EFR3B: variants seen among roughly 807,000 people sequenced by gnomAD.
EFR3B encodes the protein EFR3 homolog B, also known as protein EFR3 homolog B.
EFR3B carries 64 observed loss-of-function variants against 104.7 expected under a neutral mutation model. The ratio of observed to expected loss-of-function variants is 0.61; its 90% CI spans 0.50 to 0.75. The LOEUF is 0.75. Among genes scored for constraint, EFR3B ranks in the 30% least tolerant of loss-of-function variants. EFR3B has a pLI of 0.00. For missense variants in EFR3B, 750 were observed against 1,078.5 expected (o/e 0.70, Z 4.27); for synonymous variants, 385 against 417.9 (o/e 0.92, Z 0.96).
intron 5 of EFR3B, among the ~76,000 whole-genome samples, chr2:25,127,668 C>T (rs1670205882): frequency 6.6e-6 from 1 of 152,184 alleles, no homozygotes; most frequent in South Asian, 2.1e-4. Flanking sequence ...TGGGGGTGTA[C>T]AAAAGGGGCT....
intron 1 of EFR3B, among the ~76,000 whole-genome samples, chr2:25,051,406 C>G (rs535899396): frequency 6.6e-6 from 1 of 151,612 alleles, no homozygotes; most frequent in South Asian, 2.1e-4. Flanking sequence ...TGAGCCACCA[C>G]GCCCAGCCTG....
intron 1 of EFR3B, among the ~76,000 whole-genome samples, chr2:25,057,376 A>G (rs1323941893): frequency 6.6e-6 from 1 of 152,022 alleles, no homozygotes; most frequent in Non-Finnish European, 1.5e-5. Flanking sequence ...TAAATGCCTT[A>G]TGCAAGTCAC....
intron 1 of EFR3B, among the ~76,000 whole-genome samples, chr2:25,073,291 G>C (rs1020409270): frequency 2.6e-5 from 4 of 151,720 alleles, no homozygotes; most frequent in Admixed American, 2.6e-4. Context: ...CAGTTTTGCT[G>C]TATTCCAAGG....
At chr2:25,048,962 T>C (rs1454849138) in intron 1 of EFR3B, among the ~76,000 whole-genome samples, 1 of 152,202 alleles carries the variant, frequency 6.6e-6, no homozygotes, top group African/African-American at 2.4e-5. Context: ...ACTAGTTACA[T>C]ATTGTCCAAT....
chr2:25,061,127 A>ATTTT (rs759449745), intron 1 of EFR3B, among the ~76,000 whole-genome samples: 1 of 141,768 alleles, frequency 7.1e-6, no homozygotes, highest in African/African-American at 2.6e-5. Flanking sequence ...TTGGAGGTTG[A>ATTTT]TTTTTTTTTT....
chr2:25,090,568 G>A (rs1003865126), intron 1 of EFR3B, among the ~76,000 whole-genome samples: 1 of 152,160 alleles, frequency 6.6e-6, no homozygotes, highest in African/African-American at 2.4e-5. Flanking sequence ...CTACAGATTG[G>A]TGCAAACCTC....
At chr2:25,150,642 G>A (rs78789689) in intron 20 of EFR3B, among the ~76,000 whole-genome samples, 1 of 140,504 alleles carries the variant, frequency 7.1e-6, no homozygotes. Context: ...ACAGAGTCTC[G>A]CCCTGTCACC....
intron 21 of EFR3B, among the ~76,000 whole-genome samples, 192 bp downstream of exon 21, chr2:25,152,212 C>CA (rs1191446363): frequency 6.6e-6 from 1 of 151,424 alleles, no homozygotes; most frequent in Non-Finnish European, 1.5e-5. Context: ...CTTTCCCCAA[C>CA]ACCCTGGCGC....
chr2:25,092,481 A>G (rs1398736188), intron 2 of EFR3B, among the ~76,000 whole-genome samples: 3 of 152,064 alleles, frequency 2.0e-5, no homozygotes, highest in Non-Finnish European at 4.4e-5. Flanking sequence ...ATACATGTAT[A>G]CATTCATGTA....
chr2:25,067,616 G>A lies in EFR3B; in HGVS notation c.8-23709G>A, dbSNP rs550638376. ...CGCCTGGCTAATTTTTTTATTTTTA[G>A]TAGAGACGGGGTTCACCGTGTTAAC... On this transcript the variant is annotated intron_variant, in intron 1 of 22. Coordinates refer to ENST00000403714, the MANE Select transcript of EFR3B (RefSeq NM_014971.2). Among the ~76,000 whole-genome samples, 4 of 151,830 alleles carry A rather than the reference G, an allele frequency of 2.6e-5. No homozygotes were observed. In the South Asian group the frequency reaches 8.3e-4, roughly 32 times the overall value.
intron 1 of EFR3B, chr2:25,080,722 T>C: frequency 1.9e-6 from 2 of 1,066,146 alleles, no homozygotes; most frequent in Non-Finnish European, 2.8e-6. Flanking sequence ...TTCATCTTCT[T>C]GGGTTCAGTC....
rs1671135041 is a variant in EFR3B at position 25,155,461 on chromosome 2, G to GA, written c.*1122dup. 2.0e-5 allele frequency: 3 copies of GA among 152,376 alleles called. No homozygotes were observed. Among genetic ancestry groups the GA allele is most frequent in the Admixed American group, 2.0e-4 (3 of 15,304 alleles). 9.4% of individuals were successfully genotyped at this position (152,376 alleles called of 1,614,324 possible). ...CGCTTGTGGCTTGGGAGGAGCCATG[G>GA]AGACCCCTTTGGGTTCTGGGTTCCT... is the stretch of plus-strand genomic sequence containing the variant. On this transcript the variant is annotated 3_prime_UTR_variant, in exon 23 of 23. Coordinates refer to ENST00000403714, the MANE Select transcript of EFR3B (RefSeq NM_014971.2).
At chr2:25,074,039 T>C (rs2149176026) in intron 1 of EFR3B, among the ~76,000 whole-genome samples, 1 of 152,328 alleles carries the variant, frequency 6.6e-6, no homozygotes, top group Middle Eastern at 3.4e-3. Context: ...TGGCAATGTC[T>C]CATATAGCCA....
chr2:25,059,658 T>C (rs1018517752), intron 1 of EFR3B, among the ~76,000 whole-genome samples: 1 of 147,280 alleles, frequency 6.8e-6, no homozygotes, highest in African/African-American at 2.5e-5. Flanking sequence ...TGGAGATAGA[T>C]GATGGTGATG....
Position 25,143,765 on chromosome 2 carries a change from TG to T in EFR3B, c.1954del (p.Glu652SerfsTer31). ...LSQNLDGVVIELLFRQSKISE... is the reference protein window; with the variant it reads ...LSQNLDGVVIXLLFRQSKISE... Reference sequence around the variant, plus strand: ...CTCAGAATCTTGATGGGGTGGTCATTGAGCTCCTCTTCCGCCAGAGCAAGAT... The same window carrying T: ...CTCAGAATCTTGATGGGGTGGTCATTAGCTCCTCTTCCGCCAGAGCAAGAT... On this transcript the variant is annotated frameshift_variant, in exon 18 of 23. Transcript: ENST00000403714. LOFTEE classifies it high-confidence loss of function. 6.4e-7 allele frequency: 1 copy of T among 1,551,568 alleles called. No homozygotes were observed. The highest frequency in any genetic ancestry group is 8.7e-7 in the Non-Finnish European group (1 of 1,146,960).
chr2:25,154,487 ACT>A lies in EFR3B; in HGVS notation c.*152_*153del, dbSNP rs998604197. On this transcript the variant is annotated 3_prime_UTR_variant, in exon 23 of 23. Coordinates refer to ENST00000403714, the MANE Select transcript of EFR3B (RefSeq NM_014971.2). This position sits in a 1 kb window ranked among gnomAD's most constrained non-coding sequence, Gnocchi z 4.1. ...CCTCCCAGGCTAAGCCAAGGTGGAG[ACT>A]CTCTGGTCCTTCTTGGCCCTCCTAC... The A allele has an allele frequency of 1.4e-6, 1 of 703,606 alleles. No individual in the cohort carries two copies. The highest frequency in any genetic ancestry group is 2.4e-6 in the Non-Finnish European group (1 of 425,294). 43.6% of individuals were successfully genotyped at this position (703,606 alleles called of 1,614,324 possible).
At chr2:25,110,148 C>T (rs937493152) in intron 4 of EFR3B, among the ~76,000 whole-genome samples, 1 of 152,100 alleles carries the variant, frequency 6.6e-6, no homozygotes, top group Non-Finnish European at 1.5e-5. Context: ...TGGGTCTCCT[C>T]GTTTCGTTCC....
chr2:25,129,967 C>T lies in EFR3B; in HGVS notation c.636-8C>T, dbSNP rs1670283836. On this transcript the variant is annotated splice_region_variant and splice_polypyrimidine_tract_variant and intron_variant, in intron 6 of 22. Coordinates refer to ENST00000403714, the MANE Select transcript of EFR3B (RefSeq NM_014971.2). Reference sequence around the variant, plus strand: ...CCACCCTCTACCCATGTGCCTCTGTCTCCCCAGCCGGTCTCCCTCACCCCT... The same window carrying T: ...CCACCCTCTACCCATGTGCCTCTGTTTCCCCAGCCGGTCTCCCTCACCCCT... 6.4e-7 allele frequency: 1 copy of T among 1,551,168 alleles called. No individual in the cohort carries two copies. The highest frequency in any genetic ancestry group is 8.7e-7 in the Non-Finnish European group (1 of 1,146,996).
rs545029268 is a variant in EFR3B, at chr2:25,068,715, C to T, written c.8-22610C>T. On this transcript the variant is annotated intron_variant, in intron 1 of 22. Coordinates refer to ENST00000403714, the MANE Select transcript of EFR3B (RefSeq NM_014971.2). ...CGCGATCTCGGCTCACTGCAAGCTC[C>T]ACCTCCCGGGTTCATGCCATTCTTC... 4.6e-5 allele frequency among the ~76,000 whole-genome samples: 7 copies of T among 151,552 alleles called. No individual in the cohort carries two copies. In the South Asian group the frequency reaches 6.3e-4, roughly 14 times the overall value.
Sources: gnomAD v4.1 joint callset for allele counts (sites outside exome capture counted in the v4.1 genomes callset) on GRCh38, gnomAD v4.1.1 for gene constraint, Gnocchi (gnomAD v3.1) non-coding constraint, MANE v1.5 for transcripts, NCBI Gene and HGNC (gene_info 2026-07-23, HGNC 2026-07-21) for gene names.